Variants in ST3GAL3 observed in about 807,000 individuals in gnomAD.
ST3GAL3 encodes the protein ST3 beta-galactoside alpha-2,3-sialyltransferase 3.
A neutral mutation model predicts 50.1 loss-of-function variants in ST3GAL3; 21 were observed. The observed-to-expected ratio is 0.42, with a 90% CI of 0.30 to 0.60. The LOEUF (loss-of-function observed/expected upper bound fraction) is 0.60. Ranked by LOEUF, ST3GAL3 falls within the 20% of genes least tolerant of loss-of-function variation. ST3GAL3 has a pLI of 0.19. For synonymous variants in ST3GAL3, 183 were observed against 190.0 expected, an observed-to-expected ratio of 0.96 and a Z score of 0.30; for missense variants, 353 against 489.4, an observed-to-expected ratio of 0.72 and a Z score of 2.63.
At chr1:43,730,540 CTTTTCTTT>C (rs1571624455) in intron 1 of ST3GAL3, among the ~76,000 whole-genome samples, 1 of 120,796 alleles carries the variant, frequency 8.3e-6, no homozygotes, top group Non-Finnish European at 1.9e-5. Context: ...ATTTCTTTTT[CTTTTCTTT>C]TTTTCTTTCT....
intron 5 of ST3GAL3, among the ~76,000 whole-genome samples, chr1:43,884,012 T>C (rs1039338825): frequency 6.6e-6 from 1 of 152,204 alleles, no homozygotes; most frequent in African/African-American, 2.4e-5. Flanking sequence ...GGACATATAT[T>C]ACATATATTT....
intron 9 of ST3GAL3, among the ~76,000 whole-genome samples, chr1:43,916,403 G>T (rs920815915): frequency 6.6e-6 from 1 of 152,176 alleles, no homozygotes; most frequent in Non-Finnish European, 1.5e-5. Flanking sequence ...GCAGCACAAG[G>T]TAAGATGGAC....
At chr1:43,911,049 T>C (rs1443942925) in intron 9 of ST3GAL3, 1 of 152,158 alleles carries the variant, frequency 6.6e-6, no homozygotes, top group Non-Finnish European at 1.5e-5. Context: ...TGTAACTCTC[T>C]GTGCGTACCC....
chr1:43,776,448 T>A (rs1466272481), intron 2 of ST3GAL3, among the ~76,000 whole-genome samples: 1 of 152,214 alleles, frequency 6.6e-6, no homozygotes, highest in Non-Finnish European at 1.5e-5. Flanking sequence ...CCACATTTTA[T>A]TTATCCATTC....
intron 6 of ST3GAL3, among the ~76,000 whole-genome samples, chr1:43,897,918 G>A (rs983817580): frequency 6.6e-6 from 1 of 152,206 alleles, no homozygotes; most frequent in African/African-American, 2.4e-5. Flanking sequence ...GCCCTGGCCT[G>A]GGAATGCATG....
chr1:43,736,739 T>C, intron 2 of ST3GAL3: 2 of 365,886 alleles, frequency 5.5e-6, no homozygotes, highest in Non-Finnish European at 5.3e-6. Context: ...CCTTAGGGAT[T>C]AGTATTGAAG....
intron 9 of ST3GAL3, among the ~76,000 whole-genome samples, chr1:43,918,501 A>G (rs936935088): frequency 6.6e-6 from 1 of 152,082 alleles, no homozygotes; most frequent in Admixed American, 6.6e-5. Context: ...CTTCTTCCCA[A>G]ATGGAAAATT....
chr1:43,715,553 G>C (rs1666958983), intron 1 of ST3GAL3, among the ~76,000 whole-genome samples: 1 of 151,372 alleles, frequency 6.6e-6, no homozygotes, highest in Non-Finnish European at 1.5e-5. Flanking sequence ...TCCAGCCTGG[G>C]GGACAGAGTG....
intron 9 of ST3GAL3, chr1:43,919,423 C>T (rs1007267392): frequency 6.6e-6 from 1 of 152,248 alleles, no homozygotes; most frequent in East Asian, 1.9e-4. Context: ...GGTTGGAGCC[C>T]GTGGTTTGGC....
intron 6 of ST3GAL3, 23 bp from the exon 7 acceptor site, chr1:43,898,212 A>G: frequency 6.2e-7 from 1 of 1,613,552 alleles, no homozygotes; most frequent in Non-Finnish European, 8.5e-7. Flanking sequence ...CCTGTAACAG[A>G]AACCTCTCTC....
intron 6 of ST3GAL3, 124 bp from the exon 7 acceptor site, chr1:43,898,111 G>A: frequency 9.9e-7 from 1 of 1,008,052 alleles, no homozygotes; most frequent in South Asian, 1.3e-5. Flanking sequence ...TGTGTCCAGA[G>A]CTCTCTCCAC....
At chr1:43,741,104 A>G (rs1571886982) in intron 2 of ST3GAL3, among the ~76,000 whole-genome samples, 1 of 152,148 alleles carries the variant, frequency 6.6e-6, no homozygotes, top group Non-Finnish European at 1.5e-5. Flanking sequence ...AAGTGGAAGG[A>G]TTGCTTGAGC....
chr1:43,926,351 G>A (rs2083925144), intron 11 of ST3GAL3, among the ~76,000 whole-genome samples: 1 of 152,224 alleles, frequency 6.6e-6, no homozygotes, highest in African/African-American at 2.4e-5. Flanking sequence ...CACTTTGGGA[G>A]GCCAAGGCGG....
At chr1:43,915,876 T>C (rs1455198422) in intron 9 of ST3GAL3, among the ~76,000 whole-genome samples, 2 of 152,202 alleles carry the variant, frequency 1.3e-5, no homozygotes, top group South Asian at 2.1e-4. Flanking sequence ...CCCAGCACTT[T>C]GGGAGGCCGA....
intron 5 of ST3GAL3, chr1:43,851,407 A>G (rs1320153458): frequency 3.1e-6 from 5 of 1,611,098 alleles, no homozygotes; most frequent in Middle Eastern, 1.7e-4. Context: ...TTGACCCCCC[A>G]GCACTGTGGG....
intron 6 of ST3GAL3, among the ~76,000 whole-genome samples, 188 bp from the exon 7 acceptor site, chr1:43,898,047 T>G (rs1044099195): frequency 1.3e-5 from 2 of 152,192 alleles, no homozygotes; most frequent in African/African-American, 4.8e-5. Context: ...GTCTGTTTCC[T>G]GCCATCACCT....
intron 5 of ST3GAL3, among the ~76,000 whole-genome samples, chr1:43,871,407 T>TGGAGTGTGAGGGAGAGGAG (rs1397245701): frequency 6.6e-6 from 1 of 151,470 alleles, no homozygotes; most frequent in African/African-American, 2.4e-5. Context: ...CCTGTGTTAA[T>TGGAGTGTGAGGGAGAGGAG]GGAGTGTGAG....
intron 9 of ST3GAL3, among the ~76,000 whole-genome samples, chr1:43,906,498 G>A (rs530317695): frequency 4.5e-4 from 28 of 62,912 alleles, no homozygotes; most frequent in Admixed American, 9.5e-4. Context: ...TCCCCTTCCC[G>A]CCACTCTTCC....
At chr1:43,750,808 A>G (rs1230061804) in intron 2 of ST3GAL3, among the ~76,000 whole-genome samples, 1 of 151,814 alleles carries the variant, frequency 6.6e-6, no homozygotes, top group Non-Finnish European at 1.5e-5. Context: ...TCAGTGAGCC[A>G]TGTTCATGCC....
Sources: allele counts gnomAD v4.1 joint callset (sites outside exome capture counted in the v4.1 genomes callset), GRCh38; gene constraint gnomAD v4.1.1; transcripts MANE v1.5; gene names NCBI Gene and HGNC (gene_info 2026-07-23, HGNC 2026-07-21).